SOX5: variants seen among roughly 807,000 people sequenced by gnomAD.
SOX5 encodes the protein transcription factor SOX-5.
SOX5 carries 9 observed loss-of-function variants against 92.0 expected under a neutral mutation model. That is an observed-to-expected ratio of 0.10 (90% CI 0.06 to 0.17). The LOEUF (loss-of-function observed/expected upper bound fraction) is 0.17. Ranked by LOEUF, SOX5 falls within the 10% of genes least tolerant of loss-of-function variation. SOX5 has a pLI of 1.00. For synonymous variants in SOX5, 344 were observed against 336.3 expected (o/e 1.02, Z -0.25); for missense variants, 642 against 944.5 (o/e 0.68, Z 4.20).
At chr12:24,144,897 A>G (rs749848118) in intron 4 of SOX5, among the ~76,000 whole-genome samples, 66 of 152,226 alleles carry the variant, frequency 4.3e-4, no homozygotes, top group Middle Eastern at 3.4e-3. Flanking sequence ...GAAAGTTCTC[A>G]TAATATATGG....
chr12:23,822,749 G>A (rs934242644), intron 3 of SOX5, among the ~76,000 whole-genome samples: 9 of 152,050 alleles, frequency 5.9e-5, no homozygotes, highest in South Asian at 4.1e-4. Flanking sequence ...TACTATTATC[G>A]TGTTGGAGTC....
chr12:24,416,628 T>C (rs1016509084), intron 1 of SOX5, among the ~76,000 whole-genome samples: 1 of 152,174 alleles, frequency 6.6e-6, no homozygotes, highest in African/African-American at 2.4e-5. Context: ...TATGAGGAAC[T>C]AGAGGCACCG....
At position 23,530,820 on chromosome 12, in the gene SOX5, C is replaced by CGTGTGT. The variant is rs1333121025; in HGVS notation, c.*3398_*3399insACACAC. The CGTGTGT allele has an allele frequency of 3.4e-5, 3 of 87,430 alleles. No homozygotes were observed. Among genetic ancestry groups the CGTGTGT allele is most frequent in the Non-Finnish European group, 4.8e-5 (2 of 41,446 alleles). The allele number at this position is 87,430 out of a possible 1,614,324, so 5.4% of individuals were successfully genotyped here. ...GCAAGTGTGTGTGTGTGTGTGTGTGCGCGCGCGCGCGCGCGCATGTGAGAG... is the reference window on the plus strand; with the variant it reads ...GCAAGTGTGTGTGTGTGTGTGTGTGCGTGTGTGCGCGCGCGCGCGCGCATGTGAGAG... On this transcript the variant is annotated 3_prime_UTR_variant, in exon 15 of 15. Coordinates refer to ENST00000451604, the MANE Select transcript of SOX5 (RefSeq NM_006940.6).
intron 1 of SOX5, among the ~76,000 whole-genome samples, chr12:24,429,391 T>G (rs1034119633): frequency 6.6e-6 from 1 of 152,014 alleles, no homozygotes; most frequent in Non-Finnish European, 1.5e-5. Context: ...TGAAATGCTA[T>G]GTAGTGGGCA....
intron 1 of SOX5, among the ~76,000 whole-genome samples, chr12:24,397,210 T>C (rs1305064188): frequency 6.6e-6 from 1 of 152,146 alleles, no homozygotes; most frequent in Non-Finnish European, 1.5e-5. Context: ...TTCCTCCCTT[T>C]TTTTTTCTTT....
intron 4 of SOX5, among the ~76,000 whole-genome samples, chr12:24,121,629 C>T (rs148314088): frequency 0.013 from 1,846 of 145,128 alleles, 55 homozygotes; most frequent in African/African-American, 0.046. Flanking sequence ...TGGCTCACGC[C>T]TGTAATCCCA....
intron 7 of SOX5, among the ~76,000 whole-genome samples, chr12:23,653,873 A>G (rs1222780732): frequency 6.6e-6 from 1 of 152,078 alleles, no homozygotes; most frequent in Non-Finnish European, 1.5e-5. Context: ...TAAAGGGAGG[A>G]ATTATGTCTT....
intron 4 of SOX5, among the ~76,000 whole-genome samples, chr12:24,171,656 A>G (rs1451199823): frequency 6.6e-6 from 1 of 152,086 alleles, no homozygotes; most frequent in East Asian, 1.9e-4. Flanking sequence ...GATAACACTG[A>G]ATGTTTAGCA....
At chr12:24,521,768 T>C (rs756202140) in intron 1 of SOX5, among the ~76,000 whole-genome samples, 6 of 149,890 alleles carry the variant, frequency 4.0e-5, no homozygotes, top group Admixed American at 1.3e-4. Context: ...CAAACGAAAA[T>C]GAAAACACAA....
intron 3 of SOX5, among the ~76,000 whole-genome samples, chr12:23,805,720 T>C (rs1206391053): frequency 2.6e-5 from 4 of 152,150 alleles, no homozygotes. Context: ...TCTATACAAA[T>C]GTATACGGCC....
chr12:23,803,623 A>T (rs2095705376), intron 3 of SOX5, among the ~76,000 whole-genome samples: 1 of 152,220 alleles, frequency 6.6e-6, no homozygotes, highest in South Asian at 2.1e-4. Context: ...CTAGGAACAC[A>T]AAAATGAAAT....
chr12:24,318,380 A>G (rs957011176), intron 2 of SOX5, among the ~76,000 whole-genome samples: 7 of 152,084 alleles, frequency 4.6e-5, no homozygotes, highest in Non-Finnish European at 8.8e-5. Flanking sequence ...TGATATATTA[A>G]GTGTAGAGAA....
intron 3 of SOX5, among the ~76,000 whole-genome samples, chr12:23,763,409 CCAAAAT>C (rs1374609602): frequency 6.6e-6 from 1 of 152,004 alleles, no homozygotes; most frequent in Non-Finnish European, 1.5e-5. Context: ...GAAAACTACC[CCAAAAT>C]CAAAAGTTTC....
chr12:23,586,731 T>C (rs546995055), intron 9 of SOX5, among the ~76,000 whole-genome samples: 7 of 151,962 alleles, frequency 4.6e-5, no homozygotes, highest in Admixed American at 2.6e-4. Context: ...AAAATTTGCT[T>C]TTTTGATTAG....
chr12:24,485,159 A>C (rs190248326), intron 1 of SOX5, among the ~76,000 whole-genome samples: 2 of 152,340 alleles, frequency 1.3e-5, no homozygotes, highest in African/African-American at 4.8e-5. Flanking sequence ...GAACACTAAG[A>C]ATATATCACA....
intron 1 of SOX5, among the ~76,000 whole-genome samples, chr12:24,441,778 A>G (rs1940643029): frequency 6.6e-6 from 1 of 152,202 alleles, no homozygotes; most frequent in African/African-American, 2.4e-5. Context: ...TTTTTTTAGG[A>G]AACCATTTTA....
chr12:23,838,842 T>TG (rs1568222438), intron 3 of SOX5, among the ~76,000 whole-genome samples: 10 of 22,750 alleles, frequency 4.4e-4, no homozygotes, highest in African/African-American at 1.1e-3. Flanking sequence ...TTCTTTTTTT[T>TG]TGGGGGGGGG....
intron 4 of SOX5, among the ~76,000 whole-genome samples, chr12:24,195,288 AT>A (rs944984435): frequency 1.2e-4 from 18 of 152,260 alleles, no homozygotes; most frequent in African/African-American, 4.1e-4. Flanking sequence ...ATAATCATCA[AT>A]TTTTTTAAAT....
intron 4 of SOX5, among the ~76,000 whole-genome samples, chr12:24,037,451 T>C (rs1477905909): frequency 6.6e-6 from 1 of 152,152 alleles, no homozygotes; most frequent in African/African-American, 2.4e-5. Context: ...CTGTGAACCA[T>C]GTATAGATAA....
Sources: gnomAD v4.1 joint callset for allele counts (sites outside exome capture counted in the v4.1 genomes callset) on GRCh38, gnomAD v4.1.1 for gene constraint, MANE v1.5 for transcripts, NCBI Gene and HGNC (gene_info 2026-07-23, HGNC 2026-07-21) for gene names.